The following SCAPER variants were observed in gnomAD, a reference collection of about 807,000 sequenced individuals.
SCAPER encodes the protein S-phase cyclin A associated protein in the ER, also known as S phase cyclin A-associated protein in the endoplasmic reticulum.
A neutral mutation model predicts 182.2 loss-of-function variants in SCAPER; 98 were observed. That is an observed-to-expected ratio of 0.54 (90% CI 0.46 to 0.64). The LOEUF is 0.64. SCAPER is among the 30% of genes least tolerant of loss of function. SCAPER has a pLI of 0.00. For synonymous variants in SCAPER, 605 were observed against 564.6 expected (o/e 1.07, Z -1.01); for missense variants, 1,432 against 1,690.0 (o/e 0.85, Z 2.68).
chr15:76,407,562 A>G (rs2044951906), intron 26 of SCAPER, among the ~76,000 whole-genome samples: 1 of 152,228 alleles, frequency 6.6e-6, no homozygotes, highest in Non-Finnish European at 1.5e-5. Flanking sequence ...TTCTGATTAT[A>G]GTGGTAATAT....
intron 20 of SCAPER, among the ~76,000 whole-genome samples, chr15:76,676,065 T>A (rs1211529167): frequency 6.6e-6 from 1 of 152,228 alleles, no homozygotes; most frequent in African/African-American, 2.4e-5. Flanking sequence ...CCTCAGGTGA[T>A]CCACCCACCT....
chr15:76,609,734 T>C (rs1208788124), intron 22 of SCAPER, among the ~76,000 whole-genome samples: 1 of 152,244 alleles, frequency 6.6e-6, no homozygotes, highest in Non-Finnish European at 1.5e-5. Flanking sequence ...ATGTACTAGG[T>C]AAATGGAACT....
chr15:76,785,818 C>T (rs774340513), intron 8 of SCAPER, among the ~76,000 whole-genome samples: 51 of 152,194 alleles, frequency 3.4e-4, no homozygotes, highest in Middle Eastern at 3.4e-3. Context: ...TAGGTGGGAA[C>T]TGAACAACGC....
At chr15:76,443,496 C>T (rs890112510) in intron 25 of SCAPER, among the ~76,000 whole-genome samples, 1 of 152,158 alleles carries the variant, frequency 6.6e-6, no homozygotes, top group Admixed American at 6.5e-5. Flanking sequence ...CAGCAGTTTA[C>T]AAATGGATAA....
At chr15:76,404,412 G>A in intron 27 of SCAPER, 112 bp downstream of exon 27, 1 of 1,080,778 alleles carries the variant, frequency 9.3e-7, no homozygotes, top group Non-Finnish European at 1.3e-6. Context: ...GAACAAAGAG[G>A]AAAGATGGCC....
chr15:76,885,200 T>C lies in SCAPER; in HGVS notation c.-59-1324A>G, dbSNP rs140347638. ...AGTAAAGCTATTATATTTTTTTAAA[T>C]GTACTACCTCTGCTCACAAACCTCC... On this transcript the variant is annotated intron_variant, in intron 1 of 31. Transcript: ENST00000563290. Among the ~76,000 whole-genome samples the C allele has an allele frequency of 7.4e-4, 113 of 152,332 alleles. 1 individual carries two copies. The highest frequency in any genetic ancestry group is 2.2e-3 in the African/African-American group (92 of 41,578).
chr15:76,542,312 C>T (rs2044831535), intron 23 of SCAPER, among the ~76,000 whole-genome samples: 1 of 151,874 alleles, frequency 6.6e-6, no homozygotes, highest in Non-Finnish European at 1.5e-5. Context: ...CATTTGAGGT[C>T]AGGAGTTAGA....
intron 18 of SCAPER, among the ~76,000 whole-genome samples, chr15:76,705,169 G>C (rs1458670004): frequency 6.6e-6 from 1 of 151,960 alleles, no homozygotes; most frequent in South Asian, 2.1e-4. Context: ...TTGATAGACT[G>C]GATTAAGAAA....
At chr15:76,414,134 C>A (rs1183117000) in intron 26 of SCAPER, among the ~76,000 whole-genome samples, 1 of 151,858 alleles carries the variant, frequency 6.6e-6, no homozygotes, top group East Asian at 1.9e-4. Context: ...TTTGGAATAT[C>A]CTTGTCAGAT....
chr15:76,427,646 G>C (rs2046528647), intron 26 of SCAPER, among the ~76,000 whole-genome samples: 1 of 152,016 alleles, frequency 6.6e-6, no homozygotes, highest in Non-Finnish European at 1.5e-5. Context: ...AGGAATTCAA[G>C]ACCAGCCTGA....
chr15:76,795,791 G>A (rs1346874087), intron 7 of SCAPER, among the ~76,000 whole-genome samples: 1 of 152,172 alleles, frequency 6.6e-6, no homozygotes, highest in Non-Finnish European at 1.5e-5. Flanking sequence ...GCCAGGCACA[G>A]TGGCTCACAC....
intron 5 of SCAPER, among the ~76,000 whole-genome samples, chr15:76,815,876 G>A (rs1403559463): frequency 1.3e-5 from 2 of 152,180 alleles, no homozygotes; most frequent in Admixed American, 6.5e-5. Context: ...CAAAAAGGTT[G>A]AGGACTACTG....
At chr15:76,767,112 CA>C in intron 10 of SCAPER, 24 bp from the exon 11 acceptor site, 1 of 1,536,296 alleles carries the variant, frequency 6.5e-7, no homozygotes, top group Non-Finnish European at 8.7e-7. Context: ...AACACATAAA[CA>C]AAAAGAAAAA....
At chr15:76,569,306 T>A (rs2047272157) in intron 23 of SCAPER, among the ~76,000 whole-genome samples, 2 of 152,302 alleles carry the variant, frequency 1.3e-5, no homozygotes, top group Middle Eastern at 6.8e-3. Context: ...TTTGAGATGA[T>A]ATTTTTCCTT....
chr15:76,862,418 T>C lies in SCAPER; in HGVS notation c.122A>G (p.Asp41Gly). The change falls in exon 3 of 32, where the codon GAT becomes GGT. Residue 41 changes from aspartate (D) to glycine (G), a missense_variant and splice_region_variant. Around this residue, in one of 5 missense-constraint regions of SCAPER, gnomAD observed 480 missense variants for 510.2 expected, o/e 0.94. Transcript: ENST00000563290. Reference protein sequence around the residue: ...WSVPLESKDDDGKPKCQTGGK... With the variant: ...WSVPLESKDDGGKPKCQTGGK... The stretch of plus-strand genomic sequence containing the variant: ...AAACTAATTTTTTAAATACATACCA[T>C]CATCATCTTTGCTTTCTAGTGGAAC... 6.3e-7 allele frequency: 1 copy of C among 1,589,384 alleles called. No homozygotes were observed.
intron 20 of SCAPER, among the ~76,000 whole-genome samples, chr15:76,675,357 C>T (rs1482990521): frequency 1.3e-5 from 2 of 152,190 alleles, no homozygotes; most frequent in African/African-American, 4.8e-5. Context: ...ATATACTGTA[C>T]TGCAAGTTTG....
intron 23 of SCAPER, among the ~76,000 whole-genome samples, chr15:76,521,432 C>T (rs1187376505): frequency 6.6e-6 from 1 of 151,836 alleles, no homozygotes; most frequent in African/African-American, 2.4e-5. Flanking sequence ...ACTGTAATCC[C>T]AGCACTTTGG....
Position 76,529,085 on chromosome 15 carries a change from C to T in SCAPER, c.2839-24111G>A, listed in dbSNP as rs1053708299. ...TTGAGACAGGGTGTTGCTCTGCTGC[C>T]CATGGGGGAGTGCATAGGCATGATC... is the stretch of plus-strand genomic sequence containing the variant. On this transcript the variant is annotated intron_variant, in intron 23 of 31. Coordinates refer to ENST00000563290, the MANE Select transcript of SCAPER (RefSeq NM_020843.4). Among the ~76,000 whole-genome samples, 14 of 152,134 alleles carry T rather than the reference C, an allele frequency of 9.2e-5. 1 individual carries two copies. Among genetic ancestry groups the T allele is most frequent in the Non-Finnish European group, 5.9e-5 (4 of 68,016 alleles).
chr15:76,854,294 T>C (rs909348444), intron 4 of SCAPER, among the ~76,000 whole-genome samples: 2 of 151,518 alleles, frequency 1.3e-5, no homozygotes, highest in African/African-American at 4.8e-5. Context: ...AAAAAGTCAT[T>C]AGCATTCTTA....
Sources: allele counts gnomAD v4.1 joint callset (sites outside exome capture counted in the v4.1 genomes callset), GRCh38; gene constraint gnomAD v4.1.1; regional missense constraint gnomAD v4.1.1; transcripts MANE v1.5; gene names NCBI Gene and HGNC (gene_info 2026-07-23, HGNC 2026-07-21).